The following KIF6 variants were observed in gnomAD, a reference collection of about 807,000 sequenced individuals.
KIF6 encodes the protein kinesin family member 6.
A neutral mutation model predicts 112.7 loss-of-function variants in KIF6; 106 were observed. That is an observed-to-expected ratio of 0.94 (90% confidence interval 0.80 to 1.11). The LOEUF is 1.11. Ranked by LOEUF, KIF6 falls within the 50% of genes least tolerant of loss-of-function variation. KIF6 has a pLI of 0.00. For missense variants in KIF6, 929 were observed against 964.0 expected (o/e 0.96, Z 0.48); for synonymous variants, 339 against 339.9 (o/e 1.00, Z 0.03).
At chr6:39,660,066 T>G (rs1786043199) in intron 3 of KIF6, among the ~76,000 whole-genome samples, 1 of 152,160 alleles carries the variant, frequency 6.6e-6, no homozygotes, top group African/African-American at 2.4e-5. Flanking sequence ...ATCCCAGCAC[T>G]TGGGGAGGCC....
At chr6:39,478,895 T>C (rs1209741751) in intron 13 of KIF6, among the ~76,000 whole-genome samples, 1 of 152,170 alleles carries the variant, frequency 6.6e-6, no homozygotes, top group East Asian at 1.9e-4. Flanking sequence ...GCCATTTGTA[T>C]ATCTTCTTTC....
intron 13 of KIF6, among the ~76,000 whole-genome samples, chr6:39,494,284 A>C (rs1775643047): frequency 6.6e-6 from 1 of 152,228 alleles, no homozygotes; most frequent in Non-Finnish European, 1.5e-5. Flanking sequence ...AGTTAGCTAA[A>C]TCCCAGGAAC....
At chr6:39,376,785 T>C (rs1766473232) in intron 16 of KIF6, among the ~76,000 whole-genome samples, 1 of 152,164 alleles carries the variant, frequency 6.6e-6, no homozygotes, top group Non-Finnish European at 1.5e-5. Flanking sequence ...TATCTGACTT[T>C]GGAAATGTTT....
intron 3 of KIF6, among the ~76,000 whole-genome samples, chr6:39,708,397 C>T (rs1446217629): frequency 6.6e-6 from 1 of 152,192 alleles, no homozygotes; most frequent in Non-Finnish European, 1.5e-5. Context: ...ATGTTCATCA[C>T]TGGTGAAATC....
chr6:39,679,836 C>T (rs1198405429), intron 3 of KIF6, among the ~76,000 whole-genome samples: 1 of 151,772 alleles, frequency 6.6e-6, no homozygotes, highest in African/African-American at 2.4e-5. Context: ...CCAGGATGGT[C>T]TCAATCTCCT....
chr6:39,398,177 C>T (rs1434683283), intron 15 of KIF6, among the ~76,000 whole-genome samples: 1 of 152,150 alleles, frequency 6.6e-6, no homozygotes, highest in Non-Finnish European at 1.5e-5. Context: ...TACTTGTAAA[C>T]TTAATCTTGC....
chr6:39,406,879 G>T (rs1487110395), intron 15 of KIF6, among the ~76,000 whole-genome samples: 1 of 152,160 alleles, frequency 6.6e-6, no homozygotes, highest in East Asian at 1.9e-4. Context: ...CTCCTAAGTA[G>T]CTGGGACTAT....
At position 39,613,225 on chromosome 6, in the gene KIF6, C is replaced by G; in HGVS notation, c.603G>C (p.Leu201Phe). Residue 201 changes from leucine (L) to phenylalanine (F), a missense_variant, in exon 6 of 23, where the codon TTG becomes TTC. By Grantham distance (22) the Leu-to-Phe change is conservative. Coordinates refer to ENST00000287152, the MANE Select transcript of KIF6 (RefSeq NM_145027.6). ...TTCGGTTGGTGTCTCCTAAAAAAAG[C>G]AAATTCAGAGCTTCTTCCTCTGTGG... is the stretch of plus-strand genomic sequence containing the variant. The part of the protein sequence containing the change: ...QATTEEEALN[L>F]LFLGDTNRMI... 6.2e-7 allele frequency: 1 copy of G among 1,602,352 alleles called. No individual in the cohort carries two copies. The highest frequency in any genetic ancestry group is 8.5e-7 in the Non-Finnish European group (1 of 1,174,990).
Position 39,453,775 on chromosome 6 carries a change from C to T in KIF6, c.1646-22614G>A, listed in dbSNP as rs76347403. ...CCTCCCAACTGGCAATTCAAGTGCA[C>T]GTTTTGCAATTCTCATGCCTCTTGG... On this transcript the variant is annotated intron_variant, in intron 13 of 22. Transcript: ENST00000287152. Among the ~76,000 whole-genome samples the T allele has an allele frequency of 3.6e-3, 547 of 152,302 alleles. 1 individual carries two copies. Among genetic ancestry groups the T allele is most frequent in the African/African-American group, 0.012 (514 of 41,580 alleles).
chr6:39,397,882 C>T (rs1272596570), intron 15 of KIF6, among the ~76,000 whole-genome samples: 2 of 152,042 alleles, frequency 1.3e-5, no homozygotes, highest in Non-Finnish European at 2.9e-5. Flanking sequence ...TCAACAATTC[C>T]AAGGGCTAAT....
intron 13 of KIF6, among the ~76,000 whole-genome samples, chr6:39,444,291 C>A (rs185554106): frequency 2.2e-4 from 34 of 152,130 alleles, no homozygotes; most frequent in African/African-American, 7.7e-4. Flanking sequence ...CAGGCCACCC[C>A]GGCTTTACTG....
chr6:39,509,775 G>A (rs1423216983), intron 13 of KIF6, among the ~76,000 whole-genome samples: 7 of 152,252 alleles, frequency 4.6e-5, no homozygotes, highest in African/African-American at 1.4e-4. Context: ...TGAAAGTGAC[G>A]GGGAGAATGG....
chr6:39,475,857 A>G (rs911797979), intron 13 of KIF6, among the ~76,000 whole-genome samples: 1 of 152,214 alleles, frequency 6.6e-6, no homozygotes, highest in African/African-American at 2.4e-5. Context: ...ACCATGGAAT[A>G]CTATGCAGCC....
chr6:39,416,708 T>A (rs1039774141), intron 15 of KIF6, among the ~76,000 whole-genome samples: 8 of 152,166 alleles, frequency 5.3e-5, no homozygotes, highest in African/African-American at 1.9e-4. Context: ...ACTACTAAAT[T>A]GATAGCCTTT....
At chr6:39,465,357 T>C (rs1773724825) in intron 13 of KIF6, among the ~76,000 whole-genome samples, 1 of 152,186 alleles carries the variant, frequency 6.6e-6, no homozygotes, top group African/African-American at 2.4e-5. Context: ...CAAGAGACAA[T>C]AGCAGGTAAT....
At chr6:39,347,080 A>G (rs970222576) in intron 19 of KIF6, among the ~76,000 whole-genome samples, 2 of 152,238 alleles carry the variant, frequency 1.3e-5, no homozygotes, top group Admixed American at 6.5e-5. Flanking sequence ...ATGCCATTTA[A>G]TCCTCTCAAT....
chr6:39,641,153 G>A (rs1487178171), intron 3 of KIF6, among the ~76,000 whole-genome samples: 1 of 151,988 alleles, frequency 6.6e-6, no homozygotes, highest in Admixed American at 6.6e-5. Context: ...AATATCATTT[G>A]GATATATGAT....
intron 15 of KIF6, among the ~76,000 whole-genome samples, chr6:39,400,169 A>G (rs1768582951): frequency 6.6e-6 from 1 of 152,204 alleles, no homozygotes; most frequent in South Asian, 2.1e-4. Flanking sequence ...TTTGGCTGTC[A>G]CAGGCTGGTG....
At chr6:39,680,833 C>G (rs1787468178) in intron 3 of KIF6, among the ~76,000 whole-genome samples, 1 of 151,982 alleles carries the variant, frequency 6.6e-6, no homozygotes, top group African/African-American at 2.4e-5. Context: ...CTTTTTGTCC[C>G]ATTTTATTAG....
Sources: allele counts gnomAD v4.1 joint callset (sites outside exome capture counted in the v4.1 genomes callset), GRCh38; gene constraint gnomAD v4.1.1; transcripts MANE v1.5; gene names NCBI Gene and HGNC (gene_info 2026-07-23, HGNC 2026-07-21).